The following ITCH variants were observed in gnomAD, a reference collection of about 807,000 sequenced individuals.
ITCH encodes the protein E3 ubiquitin-protein ligase Itchy homolog.
Under a neutral mutation model 126.8 loss-of-function variants are expected in ITCH, and 28 were observed. The observed-to-expected ratio is 0.22, with a 90% CI of 0.16 to 0.30. The LOEUF is 0.30. Ranked by LOEUF, ITCH falls within the 10% of genes least tolerant of loss-of-function variation. The pLI, the probability that ITCH is intolerant of heterozygous loss-of-function variation, is 1.00. For missense variants in ITCH, 631 were observed against 1,032.4 expected (o/e 0.61, Z 5.33); for synonymous variants, 342 against 340.0 (o/e 1.01, Z -0.06).
At chr20:34,411,415 A>G (rs1289516626) in intron 4 of ITCH, among the ~76,000 whole-genome samples, 1 of 152,178 alleles carries the variant, frequency 6.6e-6, no homozygotes, top group Non-Finnish European at 1.5e-5. Context: ...CGGCCTCCCA[A>G]AGTGCTGGGA....
At chr20:34,441,931 T>A (rs1451054093) in intron 9 of ITCH, 1 of 415,238 alleles carries the variant, frequency 2.4e-6, no homozygotes, top group Non-Finnish European at 4.5e-6. Context: ...TGAGAGTGAC[T>A]TCGGTATCCT....
At chr20:34,471,935 A>G (rs898310093) in intron 16 of ITCH, among the ~76,000 whole-genome samples, 2 of 152,184 alleles carry the variant, frequency 1.3e-5, no homozygotes, top group African/African-American at 4.8e-5. Context: ...ACTTGTTTTA[A>G]CACTTCAGTA....
intron 10 of ITCH, among the ~76,000 whole-genome samples, chr20:34,443,879 A>G (rs534078218): frequency 1.3e-5 from 2 of 152,132 alleles, no homozygotes; most frequent in African/African-American, 2.4e-5. Context: ...CTAGTTAATC[A>G]GGAGTCTGAA....
At chr20:34,392,961 G>T (rs916565792) in intron 2 of ITCH, among the ~76,000 whole-genome samples, 1 of 152,096 alleles carries the variant, frequency 6.6e-6, no homozygotes, top group Admixed American at 6.6e-5. Context: ...AGTTGCTTGG[G>T]ACATGTTATA....
At chr20:34,371,704 T>C (rs923144483) in intron 2 of ITCH, among the ~76,000 whole-genome samples, 2 of 152,220 alleles carry the variant, frequency 1.3e-5, no homozygotes, top group Non-Finnish European at 2.9e-5. Context: ...ATCTTTAAAA[T>C]ATTTCTCAGC....
intron 1 of ITCH, among the ~76,000 whole-genome samples, chr20:34,368,505 G>A (rs2037502694): frequency 6.6e-6 from 1 of 151,900 alleles, no homozygotes; most frequent in African/African-American, 2.4e-5. Flanking sequence ...TTTTATGGCT[G>A]TAAATGATAC....
At chr20:34,460,820 A>G (rs557575527) in intron 13 of ITCH, among the ~76,000 whole-genome samples, 1 of 152,288 alleles carries the variant, frequency 6.6e-6, no homozygotes, top group South Asian at 2.1e-4. Flanking sequence ...CAGGAGTTCA[A>G]GACCAGCCTG....
chr20:34,489,164 A>G (rs965919694), intron 20 of ITCH, 102 bp from the exon 21 acceptor site: 3 of 955,156 alleles, frequency 3.1e-6, no homozygotes, highest in Non-Finnish European at 3.1e-6. Context: ...ATTTTTGAAT[A>G]TATTTTAAGT....
In ITCH at chr20:34,404,713, G is replaced by A. The variant is rs571123831; in HGVS notation, c.71-3938G>A. Reference sequence around the variant, plus strand: ...CAGGTGTGAGCCACCACGTTCGGCCGCTTCTCTTTTTATGTGTAAAAATTA... The same window carrying A: ...CAGGTGTGAGCCACCACGTTCGGCCACTTCTCTTTTTATGTGTAAAAATTA... On this transcript the variant is annotated intron_variant, in intron 3 of 24. Coordinates refer to ENST00000374864, the MANE Select transcript of ITCH (RefSeq NM_031483.7). Among the ~76,000 whole-genome samples, 71 of 152,092 alleles carry A rather than the reference G, an allele frequency of 4.7e-4. No homozygotes were observed. The South Asian group carries it at 0.014, about 29-fold the overall frequency.
intron 23 of ITCH, among the ~76,000 whole-genome samples, chr20:34,502,947 G>A (rs1228260479): frequency 6.6e-6 from 1 of 152,138 alleles, no homozygotes; most frequent in African/African-American, 2.4e-5. Flanking sequence ...AGGAGGCGGA[G>A]GTTGCATTGA....
chr20:34,466,446 A>G (rs1215865581), intron 14 of ITCH: 3 of 494,618 alleles, frequency 6.1e-6, no homozygotes, highest in Admixed American at 2.5e-5. Flanking sequence ...ACTTCTACAC[A>G]TTAACAACTT....
In ITCH at chr20:34,413,760, C is replaced by T; in HGVS notation, c.356C>T (p.Thr119Ile). 1 of 1,610,232 alleles carries T rather than the reference C, an allele frequency of 6.2e-7. No individual in the cohort carries two copies. Among genetic ancestry groups the T allele is most frequent in the South Asian group, 1.1e-5 (1 of 90,122 alleles). The change falls in exon 6 of 25, where the codon ACT becomes ATT. Residue 119 changes from threonine (T) to isoleucine (I), a missense_variant. Physicochemically the swap from Thr to Ile is moderately conservative, Grantham distance 89. Coordinates refer to ENST00000374864, the MANE Select transcript of ITCH (RefSeq NM_031483.7). ...NNMKLEEVVV[T>I]LQLGGDKEPT... ...CTTCCAGTTGAAGAAGTAGTTGTGA[C>T]TTTGCAGCTTGGAGGTGACAAAGAG...
intron 12 of ITCH, among the ~76,000 whole-genome samples, chr20:34,456,919 GAA>G (rs985108865): frequency 1.4e-5 from 2 of 140,998 alleles, no homozygotes; most frequent in African/African-American, 2.6e-5. Flanking sequence ...ATGTAGTATG[GAA>G]AAAAAAAAAA....
chr20:34,498,902 T>C (rs1228282987), intron 23 of ITCH, among the ~76,000 whole-genome samples: 1 of 152,040 alleles, frequency 6.6e-6, no homozygotes, highest in Admixed American at 6.6e-5. Context: ...TTGAAAAGAA[T>C]TGGTATTAGT....
chr20:34,472,938 A>G (rs756426613), intron 16 of ITCH, among the ~76,000 whole-genome samples: 6 of 152,190 alleles, frequency 3.9e-5, no homozygotes, highest in Non-Finnish European at 5.9e-5. Flanking sequence ...TCTTGAAGCA[A>G]CTTGCTTACC....
chr20:34,377,796 G>A (rs1003000398), intron 2 of ITCH, among the ~76,000 whole-genome samples: 3 of 151,686 alleles, frequency 2.0e-5, no homozygotes, highest in African/African-American at 7.3e-5. Context: ...GGTCCCGGGA[G>A]GTCAAGACTG....
At chr20:34,452,822 G>A (rs966891986) in intron 12 of ITCH, among the ~76,000 whole-genome samples, 1 of 152,180 alleles carries the variant, frequency 6.6e-6, no homozygotes, top group African/African-American at 2.4e-5. Context: ...ACAGTTTTGT[G>A]CCACGATGCC....
intron 20 of ITCH, among the ~76,000 whole-genome samples, chr20:34,481,526 A>G (rs1352676888): frequency 1.3e-5 from 2 of 152,156 alleles, no homozygotes; most frequent in South Asian, 2.1e-4. Flanking sequence ...GTATTAATCC[A>G]CTTTCCTGCT....
Position 34,417,285 on chromosome 20 carries a change from C to T in ITCH, c.475+3406C>T, listed in dbSNP as rs1337102877. 1.7e-5 allele frequency: 8 copies of T among 465,542 alleles called. No homozygotes were observed. The Admixed American group carries it at 1.7e-4, about 10-fold the overall frequency. The allele number at this position is 465,542 out of a possible 1,614,324, so 28.8% of individuals were successfully genotyped here. On this transcript the variant is annotated intron_variant, in intron 6 of 24. Coordinates refer to ENST00000374864, the MANE Select transcript of ITCH (RefSeq NM_031483.7). ...CTAATTTTGTATTTTTTAGTAGAGA[C>T]AGGGTTTCTCCGTGTTGGCCAGGCT...
Sources: allele counts gnomAD v4.1 joint callset (sites outside exome capture counted in the v4.1 genomes callset), GRCh38; gene constraint gnomAD v4.1.1; transcripts MANE v1.5; gene names NCBI Gene and HGNC (gene_info 2026-07-23, HGNC 2026-07-21).